LRMDA: variants seen among roughly 807,000 people sequenced by gnomAD.
The protein encoded by LRMDA is leucine-rich melanocyte differentiation-associated protein.
In LRMDA, 18 loss-of-function variants were observed where a neutral mutation model predicts 29.8. The observed-to-expected ratio is 0.60, with a 90% CI of 0.42 to 0.90. The LOEUF (loss-of-function observed/expected upper bound fraction) is 0.90. Among genes scored for constraint, LRMDA ranks in the 40% least tolerant of loss-of-function variants. LRMDA has a pLI of 0.00. For synonymous variants in LRMDA, 125 were observed against 109.4 expected (o/e 1.14, Z -0.89); for missense variants, 273 against 273.9 (o/e 1.00, Z 0.02).
intron 2 of LRMDA, among the ~76,000 whole-genome samples, chr10:75,751,308 AGAGAGG>A (rs1310082642): frequency 2.0e-5 from 3 of 148,828 alleles, no homozygotes; most frequent in African/African-American, 5.0e-5. Context: ...GACTGTGGAG[AGAGAGG>A]GAGAGGGAGA....
At chr10:75,754,954 G>A (rs924531155) in intron 2 of LRMDA, among the ~76,000 whole-genome samples, 2 of 151,614 alleles carry the variant, frequency 1.3e-5, no homozygotes, top group African/African-American at 4.8e-5. Flanking sequence ...TGTATCTATA[G>A]GTATGAATCT....
chr10:75,905,583 C>T (rs1407580671), intron 2 of LRMDA, among the ~76,000 whole-genome samples: 1 of 151,944 alleles, frequency 6.6e-6, no homozygotes, highest in Non-Finnish European at 1.5e-5. Context: ...AAAGACTCTT[C>T]CTTCTCATTT....
intron 5 of LRMDA, among the ~76,000 whole-genome samples, chr10:76,078,600 C>A (rs534513477): frequency 3.9e-5 from 6 of 152,166 alleles, no homozygotes; most frequent in South Asian, 2.1e-4. Context: ...CTTTGGGAAG[C>A]TGAGACGGGT....
At chr10:76,201,069 TTTTA>T (rs57777695) in intron 5 of LRMDA, among the ~76,000 whole-genome samples, 49,879 of 140,914 alleles carry the variant, frequency 0.35, 9,117 homozygotes, top group Middle Eastern at 0.53. Flanking sequence ...GTATTATTAT[TTTTA>T]TTTATTTATT....
intron 2 of LRMDA, among the ~76,000 whole-genome samples, chr10:75,697,850 T>TGTGTGTGTGCGCGCGCGC (rs10664076): frequency 1.3e-5 from 2 of 151,586 alleles, no homozygotes; most frequent in African/African-American, 4.9e-5. Flanking sequence ...TGTGTGTGTG[T>TGTGTGTGTGCGCGCGCGC]GCGTGTGTGT....
At chr10:75,769,586 G>T (rs1036216002) in intron 2 of LRMDA, among the ~76,000 whole-genome samples, 1 of 152,122 alleles carries the variant, frequency 6.6e-6, no homozygotes, top group African/African-American at 2.4e-5. Context: ...TGGTAAAGGT[G>T]TGTTAATTTA....
At chr10:75,462,104 A>G (rs1413065459) in intron 2 of LRMDA, among the ~76,000 whole-genome samples, 1 of 152,272 alleles carries the variant, frequency 6.6e-6, no homozygotes, top group African/African-American at 2.4e-5. Context: ...ATGAAAAGCG[A>G]ACAAAGAAGA....
chr10:75,977,576 A>G (rs1202071996), intron 2 of LRMDA, among the ~76,000 whole-genome samples: 2 of 152,208 alleles, frequency 1.3e-5, no homozygotes, highest in African/African-American at 4.8e-5. Context: ...CTGCCTAAGT[A>G]TCAGGTTTGC....
chr10:76,489,958 GT>G (rs1842817103), intron 6 of LRMDA, among the ~76,000 whole-genome samples: 1 of 151,768 alleles, frequency 6.6e-6, no homozygotes, highest in Admixed American at 6.6e-5. Context: ...CTGTGAGTCA[GT>G]TAAACCTCTT....
At position 75,849,550 on chromosome 10, in the gene LRMDA, C is replaced by G. The variant is rs1471769311; in HGVS notation, c.132-186458C>G. Among the ~76,000 whole-genome samples, 4 of 152,172 alleles carry G rather than the reference C, an allele frequency of 2.6e-5. No homozygotes were observed. In the East Asian group the frequency reaches 5.8e-4, roughly 22 times the overall value. Reference sequence around the variant, plus strand: ...TTCTCACTTCTAAGTGGGAGCCGAACAATGAGATCACATAGATACAGGGAG... The same window carrying G: ...TTCTCACTTCTAAGTGGGAGCCGAAGAATGAGATCACATAGATACAGGGAG... On this transcript the variant is annotated intron_variant, in intron 2 of 6. Coordinates refer to ENST00000611255, the MANE Select transcript of LRMDA (RefSeq NM_001305581.2).
At chr10:76,522,263 C>G in intron 6 of LRMDA, among the ~76,000 whole-genome samples, 1 of 152,032 alleles carries the variant, frequency 6.6e-6, no homozygotes, top group Non-Finnish European at 1.5e-5. Flanking sequence ...ATAGGAAGAC[C>G]AAAGAACATA....
intron 5 of LRMDA, among the ~76,000 whole-genome samples, chr10:76,311,587 T>C (rs1212271569): frequency 1.3e-5 from 2 of 152,192 alleles, no homozygotes; most frequent in Non-Finnish European, 2.9e-5. Context: ...AGTAAATATT[T>C]TTCCCCCTTT....
chr10:76,254,305 C>CTATACT lies in LRMDA; in HGVS notation c.517-70096_517-70095insTATACT, dbSNP rs1564701441. ...ATTACTATACTATACTATACTATACCATACCATACCATACCATACCATACC... is the reference window on the plus strand; with the variant it reads ...ATTACTATACTATACTATACTATACCTATACTATACCATACCATACCATACCATACC... On this transcript the variant is annotated intron_variant, in intron 5 of 6. Transcript: ENST00000611255. 4.6e-3 allele frequency among the ~76,000 whole-genome samples: 306 copies of CTATACT among 66,206 alleles called. 1 individual carries two copies. The highest frequency in any genetic ancestry group is 0.014 in the African/African-American group (277 of 19,990). The allele number at this position is 66,206 out of a possible 152,430, so 43.4% of individuals were successfully genotyped here.
chr10:76,393,141 G>A (rs1273647876), intron 6 of LRMDA, among the ~76,000 whole-genome samples: 1 of 152,122 alleles, frequency 6.6e-6, no homozygotes, highest in South Asian at 2.1e-4. Flanking sequence ...TTGCTGCATA[G>A]GAGTGCAGAT....
intron 6 of LRMDA, among the ~76,000 whole-genome samples, chr10:76,515,915 C>A (rs1382772593): frequency 6.6e-6 from 1 of 152,106 alleles, no homozygotes; most frequent in African/African-American, 2.4e-5. Flanking sequence ...AAGAAAAATG[C>A]CAAGCTGAAA....
At chr10:75,527,040 T>A (rs892818773) in intron 2 of LRMDA, among the ~76,000 whole-genome samples, 8 of 152,080 alleles carry the variant, frequency 5.3e-5, no homozygotes, top group Non-Finnish European at 1.2e-4. Context: ...CATTCTCCCC[T>A]CCCTCTAACT....
intron 2 of LRMDA, among the ~76,000 whole-genome samples, chr10:75,809,796 C>T (rs60217939): frequency 0.013 from 2,007 of 152,278 alleles, 51 homozygotes; most frequent in African/African-American, 0.046. Context: ...TGCAAAGGGG[C>T]ATGTGAACCA....
chr10:75,680,647 T>C (rs940724359), intron 2 of LRMDA, among the ~76,000 whole-genome samples: 26 of 152,214 alleles, frequency 1.7e-4, no homozygotes, highest in African/African-American at 6.3e-4. Context: ...AAATATCAAG[T>C]AATTCCATAT....
intron 5 of LRMDA, among the ~76,000 whole-genome samples, chr10:76,143,461 C>G (rs1850246949): frequency 6.6e-6 from 1 of 152,028 alleles, no homozygotes; most frequent in South Asian, 2.1e-4. Context: ...AGCATTTTTT[C>G]ATGTGTTTTT....
Sources: gnomAD v4.1 joint callset for allele counts (sites outside exome capture counted in the v4.1 genomes callset) on GRCh38, gnomAD v4.1.1 for gene constraint, MANE v1.5 for transcripts, NCBI Gene and HGNC (gene_info 2026-07-23, HGNC 2026-07-21) for gene names.